The following GHR variants were observed in gnomAD, a reference collection of about 807,000 sequenced individuals.
GHR encodes GH receptor.
Under a neutral mutation model 67.1 loss-of-function variants are expected in GHR, and 35 were observed. That is an observed-to-expected ratio of 0.52 (90% confidence interval 0.40 to 0.69). GHR has a LOEUF of 0.69. Among genes scored for constraint, GHR ranks in the 30% least tolerant of loss-of-function variants. GHR has a pLI of 0.00. For synonymous variants in GHR, 272 were observed against 269.1 expected, an observed-to-expected ratio of 1.01 and a Z score of -0.10; for missense variants, 792 against 764.6, an observed-to-expected ratio of 1.04 and a Z score of -0.42.
intron 1 of GHR, among the ~76,000 whole-genome samples, chr5:42,474,006 G>GGC (rs1745127859): frequency 1.3e-5 from 2 of 151,872 alleles, no homozygotes; most frequent in Non-Finnish European, 2.9e-5. Context: ...TGGCCAACAT[G>GGC]GCGAAACCTT....
intron 2 of GHR, among the ~76,000 whole-genome samples, chr5:42,625,122 G>A (rs1046240042): frequency 1.3e-5 from 2 of 152,106 alleles, no homozygotes; most frequent in Admixed American, 1.3e-4. Context: ...TAACTGGGAG[G>A]AGTTACTGAA....
chr5:42,481,404 T>C (rs1475662855), intron 1 of GHR, among the ~76,000 whole-genome samples: 3 of 152,140 alleles, frequency 2.0e-5, no homozygotes, highest in African/African-American at 4.8e-5. Context: ...TTATGGCGTT[T>C]TCTGTATTTC....
At chr5:42,610,438 G>A (rs1752838027) in intron 2 of GHR, among the ~76,000 whole-genome samples, 1 of 152,164 alleles carries the variant, frequency 6.6e-6, no homozygotes, top group African/African-American at 2.4e-5. Context: ...CCAGCTAGTG[G>A]CTGACTAGGT....
At chr5:42,519,760 T>C (rs2112295678) in intron 1 of GHR, among the ~76,000 whole-genome samples, 1 of 152,356 alleles carries the variant, frequency 6.6e-6, no homozygotes, top group Admixed American at 6.5e-5. Context: ...TCTGCTGACC[T>C]ACTAGACTCA....
At chr5:42,649,832 C>T (rs1157420332) in intron 3 of GHR, among the ~76,000 whole-genome samples, 1 of 152,090 alleles carries the variant, frequency 6.6e-6, no homozygotes, top group East Asian at 1.9e-4. Flanking sequence ...AAATAAAGTA[C>T]CCCTAAAACA....
chr5:42,433,939 C>T (rs1455194610), intron 1 of GHR, among the ~76,000 whole-genome samples: 1 of 151,888 alleles, frequency 6.6e-6, no homozygotes, highest in African/African-American at 2.4e-5. Context: ...ATAGGCTCAT[C>T]CCTTGGGTAG....
intron 3 of GHR, among the ~76,000 whole-genome samples, chr5:42,661,255 G>A (rs144623431): frequency 0.052 from 7,899 of 152,108 alleles, 243 homozygotes; most frequent in Middle Eastern, 0.071. Flanking sequence ...TACAAAGAAC[G>A]CCACAAAGAT....
chr5:42,704,562 C>T (rs766006956), intron 6 of GHR, among the ~76,000 whole-genome samples: 1 of 152,104 alleles, frequency 6.6e-6, no homozygotes. Flanking sequence ...GTAATGCTAG[C>T]ATCAAGAAAT....
chr5:42,465,304 AT>A lies in GHR; in HGVS notation c.-12+41359del, dbSNP rs36031970. 6.4e-3 allele frequency: 3,815 copies of A among 594,408 alleles called. 10 individuals carry two copies. Among genetic ancestry groups the A allele is most frequent in the South Asian group, 0.015 (694 of 45,846 alleles). The allele number at this position is 594,408 out of a possible 1,614,324, so 36.8% of individuals were successfully genotyped here. On this transcript the variant is annotated intron_variant, in intron 1 of 9. Coordinates refer to ENST00000230882, the MANE Select transcript of GHR (RefSeq NM_000163.5). ...TGAATGTGATGATCTTGAAGAACAG[AT>A]TTTTTTTTTGCATGAAAATAAATCT...
chr5:42,682,943 G>T (rs949155163), intron 3 of GHR, among the ~76,000 whole-genome samples: 2 of 152,104 alleles, frequency 1.3e-5, no homozygotes, highest in African/African-American at 2.4e-5. Context: ...GGAAAGATTG[G>T]TTCCCATGCT....
chr5:42,711,333 G>A lies in GHR; in HGVS notation c.745G>A (p.Val249Ile). The change falls in exon 7 of 10, where the codon GTA (valine) becomes ATA (isoleucine). Residue 249 changes from valine to isoleucine, a missense_variant. Transcript: ENST00000230882. ...NYGEFSEVLY[V>I]TLPQMSQFTC... ...TGGCGAGTTCAGTGAGGTGCTCTAT[G>A]TAACACTTCCTCAGATGAGCCAATT... is the stretch of plus-strand genomic sequence containing the variant. The A allele has an allele frequency of 3.1e-6, 5 of 1,613,200 alleles. No homozygotes were observed. The highest frequency in any genetic ancestry group is 4.2e-6 in the Non-Finnish European group (5 of 1,179,168).
intron 2 of GHR, among the ~76,000 whole-genome samples, chr5:42,576,711 AT>A (rs1245542822): frequency 6.6e-6 from 1 of 152,260 alleles, no homozygotes; most frequent in Non-Finnish European, 1.5e-5. Context: ...ATAAGCCTTT[AT>A]AAAATGGGAT....
chr5:42,456,480 A>G (rs1744266953), intron 1 of GHR, among the ~76,000 whole-genome samples: 1 of 152,200 alleles, frequency 6.6e-6, no homozygotes, highest in Non-Finnish European at 1.5e-5. Flanking sequence ...TTCTCCAGGC[A>G]TGGGTATAGT....
chr5:42,604,652 T>C (rs1445593857), intron 2 of GHR, among the ~76,000 whole-genome samples: 1 of 151,894 alleles, frequency 6.6e-6, no homozygotes, highest in African/African-American at 2.4e-5. Flanking sequence ...TAAAAGACTG[T>C]AATAAGAGCT....
chr5:42,597,958 A>G (rs1043290347), intron 2 of GHR, among the ~76,000 whole-genome samples: 2 of 152,250 alleles, frequency 1.3e-5, no homozygotes, highest in African/African-American at 4.8e-5. Context: ...TGAAGCAGAA[A>G]TTATTATACC....
intron 2 of GHR, among the ~76,000 whole-genome samples, chr5:42,601,898 ACTTT>A (rs966537555): frequency 1.3e-5 from 2 of 152,070 alleles, no homozygotes; most frequent in African/African-American, 2.4e-5. Context: ...TAATTCAAAA[ACTTT>A]CTTTCTCTGG....
intron 1 of GHR, among the ~76,000 whole-genome samples, chr5:42,494,351 C>T (rs1198047347): frequency 6.6e-6 from 1 of 151,950 alleles, no homozygotes; most frequent in Admixed American, 6.6e-5. Flanking sequence ...AGTAACTTAC[C>T]TTAAGAAGTA....
intron 3 of GHR, among the ~76,000 whole-genome samples, chr5:42,677,355 G>C (rs746567400): frequency 6.6e-6 from 1 of 152,184 alleles, no homozygotes; most frequent in Non-Finnish European, 1.5e-5. Flanking sequence ...CAGTATCTGC[G>C]TGAGTGTGGT....
rs1330641726 is a variant in GHR, at chr5:42,638,684, A to C, written c.136+9581A>C. Among the ~76,000 whole-genome samples, 4 of 152,190 alleles carry C rather than the reference A, an allele frequency of 2.6e-5. No individual in the cohort carries two copies. The East Asian group carries it at 7.7e-4, about 29-fold the overall frequency. ...TATATGCAGTCTGTCGTTGACCAAA[A>C]CATCATTATACAGCACAAGACTATA... On this transcript the variant is annotated intron_variant, in intron 3 of 9. Transcript: ENST00000230882.
Sources: allele counts gnomAD v4.1 joint callset (sites outside exome capture counted in the v4.1 genomes callset), GRCh38; gene constraint gnomAD v4.1.1; transcripts MANE v1.5; gene names NCBI Gene and HGNC (gene_info 2026-07-23, HGNC 2026-07-21).